LATS2: variants seen among roughly 807,000 people sequenced by gnomAD.
LATS2 encodes large tumor suppressor kinase 2.
A neutral mutation model predicts 76.0 loss-of-function variants in LATS2; 24 were observed. That is an observed-to-expected ratio of 0.32 (90% confidence interval 0.23 to 0.44). The LOEUF is 0.44. LATS2 is among the 20% of genes least tolerant of loss of function. LATS2 has a pLI of 1.00. For missense variants in LATS2, 1,286 were observed against 1,481.2 expected (o/e 0.87, Z 2.16); for synonymous variants, 692 against 635.4 (o/e 1.09, Z -1.34).
chr13:20,997,707 G>A (rs1230047212), intron 2 of LATS2, among the ~76,000 whole-genome samples: 1 of 152,208 alleles, frequency 6.6e-6, no homozygotes, highest in South Asian at 2.1e-4. Flanking sequence ...ACTAAGCACA[G>A]GGCTTACGAG....
At chr13:21,058,602 A>G (rs1873524634) in intron 1 of LATS2, among the ~76,000 whole-genome samples, 1 of 152,368 alleles carries the variant, frequency 6.6e-6, no homozygotes, top group South Asian at 2.1e-4. Flanking sequence ...AAACTATTTC[A>G]AACTCGATGG....
At chr13:21,010,201 AAAAC>A (rs56383441) in intron 2 of LATS2, among the ~76,000 whole-genome samples, 12 of 150,610 alleles carry the variant, frequency 8.0e-5, no homozygotes, top group Non-Finnish European at 1.3e-4. Context: ...CTCTGTCAAA[AAAAC>A]AAACAAACAA....
chr13:21,006,719 T>C (rs999151362), intron 2 of LATS2, among the ~76,000 whole-genome samples: 1 of 152,168 alleles, frequency 6.6e-6, no homozygotes, highest in African/African-American at 2.4e-5. Context: ...CAATGGCACA[T>C]AGGCGTGCCT....
At chr13:21,023,047 A>T (rs914912503) in intron 2 of LATS2, 5 of 152,182 alleles carry the variant, frequency 3.3e-5, no homozygotes, top group African/African-American at 1.2e-4. Flanking sequence ...CAGCCCAGCA[A>T]TCCCACTGCA....
At chr13:20,985,721 G>C (rs996244367) in intron 4 of LATS2, among the ~76,000 whole-genome samples, 1 of 147,100 alleles carries the variant, frequency 6.8e-6, no homozygotes, top group Non-Finnish European at 1.5e-5. Context: ...CTGGGCAATA[G>C]AGCAAGACTC....
chr13:21,013,315 C>A (rs562628373), intron 2 of LATS2, among the ~76,000 whole-genome samples: 1 of 152,346 alleles, frequency 6.6e-6, no homozygotes, highest in South Asian at 2.1e-4. Context: ...TGGCTCAGTA[C>A]TTATCCTGGC....
chr13:21,004,910 A>C (rs1367503746), intron 2 of LATS2, among the ~76,000 whole-genome samples: 1 of 152,212 alleles, frequency 6.6e-6, no homozygotes, highest in Non-Finnish European at 1.5e-5. Flanking sequence ...AGGGGGAGTC[A>C]TCATGTGCCA....
intron 1 of LATS2, among the ~76,000 whole-genome samples, chr13:21,049,749 G>A (rs1595257719): frequency 6.6e-6 from 1 of 152,318 alleles, no homozygotes; most frequent in South Asian, 2.1e-4. Flanking sequence ...CATGAGCAGA[G>A]CAAAGGGAGT....
chr13:21,038,905 G>A (rs973586312), intron 2 of LATS2, among the ~76,000 whole-genome samples: 2 of 152,132 alleles, frequency 1.3e-5, no homozygotes, highest in East Asian at 1.9e-4. Context: ...GCTTGAACCC[G>A]CGAGGCGGAG....
At chr13:21,025,631 C>T (rs1052113008) in intron 2 of LATS2, among the ~76,000 whole-genome samples, 10 of 152,106 alleles carry the variant, frequency 6.6e-5, no homozygotes, top group Admixed American at 3.3e-4. Context: ...TCTGTCTCAT[C>T]GTCATTAGGT....
intron 1 of LATS2, among the ~76,000 whole-genome samples, chr13:21,058,126 T>G (rs984132848): frequency 6.6e-6 from 1 of 152,242 alleles, no homozygotes; most frequent in Non-Finnish European, 1.5e-5. Flanking sequence ...GCCTTACCCT[T>G]CTTTCTGATC....
chr13:21,060,334 T>A (rs1319632881), intron 1 of LATS2, among the ~76,000 whole-genome samples: 1 of 152,202 alleles, frequency 6.6e-6, no homozygotes, highest in Non-Finnish European at 1.5e-5. Context: ...GCTGGGGAGC[T>A]AAGCGCAGGT....
intron 1 of LATS2, among the ~76,000 whole-genome samples, chr13:21,050,119 C>CATAGATAGATAGATAGATAG (rs576222992): frequency 3.0e-4 from 8 of 26,778 alleles, no homozygotes; most frequent in African/African-American, 5.6e-4. Flanking sequence ...GACTCTGTCT[C>CATAGATAGATAGATAGATAG]ATAGACAGAT....
At chr13:21,046,337 A>G (rs1389910932) in intron 1 of LATS2, 107 bp from the exon 2 acceptor site, 1 of 296,930 alleles carries the variant, frequency 3.4e-6, no homozygotes, top group Admixed American at 4.7e-5. Flanking sequence ...ACCGCTTGGA[A>G]AGAAAAGAAA....
intron 2 of LATS2, among the ~76,000 whole-genome samples, chr13:21,028,979 T>C (rs1872420779): frequency 6.6e-6 from 1 of 152,254 alleles, no homozygotes; most frequent in Non-Finnish European, 1.5e-5. Context: ...TTATTAGTTC[T>C]GGTAACTTTT....
chr13:21,043,611 TGGA>T (rs1387389498), intron 2 of LATS2, among the ~76,000 whole-genome samples: 1 of 152,166 alleles, frequency 6.6e-6, no homozygotes, highest in Non-Finnish European at 1.5e-5. Context: ...ATATGGTAAA[TGGA>T]GGCCTTTCTG....
chr13:21,059,364 G>A (rs1266358306), intron 1 of LATS2, among the ~76,000 whole-genome samples: 1 of 152,144 alleles, frequency 6.6e-6, no homozygotes, highest in East Asian at 1.9e-4. Flanking sequence ...TTGGGAGGCT[G>A]AGGCGGGCGG....
At chr13:21,032,880 C>T (rs183148503) in intron 2 of LATS2, among the ~76,000 whole-genome samples, 7 of 152,228 alleles carry the variant, frequency 4.6e-5, no homozygotes, top group African/African-American at 7.2e-5. Context: ...ACAGCATGAG[C>T]GAACCCAGTG....
At chr13:21,034,393 C>T (rs369318746) in intron 2 of LATS2, among the ~76,000 whole-genome samples, 1 of 152,166 alleles carries the variant, frequency 6.6e-6, no homozygotes, top group South Asian at 2.1e-4. Context: ...CTTAAACCCC[C>T]ATGACCAAGT....
Sources: allele counts gnomAD v4.1 joint callset (sites outside exome capture counted in the v4.1 genomes callset), GRCh38; gene constraint gnomAD v4.1.1; transcripts MANE v1.5; gene names NCBI Gene and HGNC (gene_info 2026-07-23, HGNC 2026-07-21).